The following GPR89A variants were observed in gnomAD, a reference collection of about 807,000 sequenced individuals.
The protein encoded by GPR89A is G protein-coupled receptor 89A.
Under a neutral mutation model 52.0 loss-of-function variants are expected in GPR89A, and 16 were observed. That is an observed-to-expected ratio of 0.31 (90% CI 0.21 to 0.47). The LOEUF is 0.47. Ranked by LOEUF, GPR89A falls within the 20% of genes least tolerant of loss-of-function variation. The pLI, the probability that GPR89A is intolerant of heterozygous loss-of-function variation, is 1.00. For synonymous variants in GPR89A, 55 were observed against 150.9 expected, an observed-to-expected ratio of 0.36 and a Z score of 4.66; for missense variants, 135 against 449.4, an observed-to-expected ratio of 0.30 and a Z score of 6.33.
chr1:145,609,281 C>T (rs1451416288), intron 1 of GPR89A, among the ~76,000 whole-genome samples: 4 of 152,114 alleles, frequency 2.6e-5, no homozygotes, highest in African/African-American at 9.7e-5. Context: ...TACTCGTCTC[C>T]GTAGAGCGGA....
chr1:145,648,536 G>A (rs1651207545), intron 10 of GPR89A, among the ~76,000 whole-genome samples: 1 of 150,224 alleles, frequency 6.7e-6, no homozygotes, highest in East Asian at 2.0e-4. Context: ...CTGTAGTACA[G>A]TGGTGCGATC....
At chr1:145,637,721 G>A (rs1358443274) in intron 7 of GPR89A, among the ~76,000 whole-genome samples, 2 of 152,118 alleles carry the variant, frequency 1.3e-5, no homozygotes, top group Non-Finnish European at 2.9e-5. Context: ...GTGAAGGAAA[G>A]CATGATACAA....
chr1:145,641,201 CTG>C (rs1341879200), intron 7 of GPR89A, among the ~76,000 whole-genome samples: 5 of 150,642 alleles, frequency 3.3e-5, no homozygotes, highest in Admixed American at 6.6e-5. Flanking sequence ...CACAAAAAAA[CTG>C]TACTTGAATG....
At chr1:145,616,501 G>A (rs1553687047) in intron 2 of GPR89A, among the ~76,000 whole-genome samples, 1 of 151,962 alleles carries the variant, frequency 6.6e-6, no homozygotes, top group East Asian at 1.9e-4. Context: ...CCAGAAGTTA[G>A]GAGCAAGGAT....
At chr1:145,648,549 G>A (rs782382943) in intron 10 of GPR89A, among the ~76,000 whole-genome samples, 13 of 149,920 alleles carry the variant, frequency 8.7e-5, no homozygotes, top group South Asian at 2.1e-4. Context: ...GTGCGATCTC[G>A]GCTCACTGCA....
chr1:145,621,782 C>G (rs1209973941), intron 3 of GPR89A, among the ~76,000 whole-genome samples: 1 of 151,856 alleles, frequency 6.6e-6, no homozygotes, highest in Non-Finnish European at 1.5e-5. Flanking sequence ...AGGCATTTCT[C>G]CAGAGATGAT....
At chr1:145,655,281 T>C (rs1334155889) in intron 10 of GPR89A, among the ~76,000 whole-genome samples, 18 of 152,184 alleles carry the variant, frequency 1.2e-4, no homozygotes, top group Non-Finnish European at 2.4e-4. Flanking sequence ...GCCCAGCTTC[T>C]AAAGCCTACT....
At chr1:145,619,804 A>T (rs587609161) in intron 3 of GPR89A, among the ~76,000 whole-genome samples, 3 of 152,336 alleles carry the variant, frequency 2.0e-5, no homozygotes, top group African/African-American at 7.2e-5. Context: ...TCACGAGGTC[A>T]GGAGATCAAG....
chr1:145,637,923 G>A (rs1252656164), intron 7 of GPR89A, among the ~76,000 whole-genome samples: 1 of 150,444 alleles, frequency 6.6e-6, no homozygotes, highest in Non-Finnish European at 1.5e-5. Context: ...TGTAATCCCA[G>A]CACTTTGGGA....
chr1:145,618,523 G>C (rs1398170297), intron 3 of GPR89A, 100 bp downstream of exon 3: 8 of 488,056 alleles, frequency 1.6e-5, no homozygotes, highest in Non-Finnish European at 2.3e-5. Flanking sequence ...AAAACACTGT[G>C]TTAATAGTTC....
chr1:145,647,813 CT>C (rs1571519324), intron 10 of GPR89A, among the ~76,000 whole-genome samples: 1,843 of 4,270 alleles, frequency 0.43, 307 homozygotes, highest in Non-Finnish European at 0.52. Context: ...CTCTCTCTCT[CT>C]TCGTCGTCGT....
At chr1:145,617,423 A>G (rs1648790717) in intron 2 of GPR89A, among the ~76,000 whole-genome samples, 2 of 151,822 alleles carry the variant, frequency 1.3e-5, no homozygotes, top group Non-Finnish European at 2.9e-5. Context: ...TTGTACAGTT[A>G]ACGCAATCAT....
At chr1:145,660,699 G>A (rs1473456357) in intron 10 of GPR89A, among the ~76,000 whole-genome samples, 1 of 151,688 alleles carries the variant, frequency 6.6e-6, no homozygotes, top group Admixed American at 6.6e-5. Context: ...AAAAACACAA[G>A]AAAAAATGCT....
At chr1:145,627,651 C>T (rs1408096593) in intron 5 of GPR89A, among the ~76,000 whole-genome samples, 1 of 152,130 alleles carries the variant, frequency 6.6e-6, no homozygotes, top group East Asian at 1.9e-4. Context: ...AATTGATAGT[C>T]TTGTGGGTGG....
chr1:145,609,668 A>G (rs868935373), intron 1 of GPR89A, among the ~76,000 whole-genome samples: 2 of 152,194 alleles, frequency 1.3e-5, no homozygotes, highest in South Asian at 4.1e-4. Flanking sequence ...TGCAGCCTCT[A>G]CGATTTTTAG....
At chr1:145,655,038 G>A (rs1279105305) in intron 10 of GPR89A, among the ~76,000 whole-genome samples, 6 of 148,894 alleles carry the variant, frequency 4.0e-5, no homozygotes, top group African/African-American at 1.5e-4. Context: ...TCTTATTTCA[G>A]CAAGATAGTC....
chr1:145,625,590 C>G (rs1271721117), intron 5 of GPR89A, among the ~76,000 whole-genome samples: 2 of 148,276 alleles, frequency 1.3e-5, no homozygotes, highest in Non-Finnish European at 2.9e-5. Flanking sequence ...ATCAACCCAC[C>G]TCAGCTTCCC....
intron 5 of GPR89A, among the ~76,000 whole-genome samples, chr1:145,624,626 T>C (rs1649369497): frequency 6.7e-6 from 1 of 149,798 alleles, no homozygotes; most frequent in African/African-American, 2.5e-5. Flanking sequence ...TGATTAATTA[T>C]ACAGTATCAG....
chr1:145,637,316 T>TA (rs1226351077), intron 7 of GPR89A, among the ~76,000 whole-genome samples: 1 of 148,400 alleles, frequency 6.7e-6, no homozygotes, highest in East Asian at 2.0e-4. Context: ...GGATAAGCCC[T>TA]AAAATATGAC....
Sources: gnomAD v4.1 joint callset for allele counts (sites outside exome capture counted in the v4.1 genomes callset) on GRCh38, gnomAD v4.1.1 for gene constraint, MANE v1.5 for transcripts, NCBI Gene and HGNC (gene_info 2026-07-23, HGNC 2026-07-21) for gene names.